The following CNIH3 variants were observed in gnomAD, a reference collection of about 807,000 sequenced individuals.
The protein encoded by CNIH3 is protein cornichon homolog 3.
A neutral mutation model predicts 24.1 loss-of-function variants in CNIH3; 14 were observed. The ratio of observed to expected loss-of-function variants is 0.58; its 90% CI spans 0.38 to 0.91. The LOEUF (loss-of-function observed/expected upper bound fraction) is 0.91, where lower values mean the gene tolerates loss of function less well. Among genes scored for constraint, CNIH3 ranks in the 40% least tolerant of loss-of-function variants. The pLI, the probability that CNIH3 is intolerant of heterozygous loss-of-function variation, is 0.00. For missense variants in CNIH3, 178 were observed against 196.8 expected, an observed-to-expected ratio of 0.90 and a Z score of 0.57; for synonymous variants, 68 against 73.8, an observed-to-expected ratio of 0.92 and a Z score of 0.40.
intron 1 of CNIH3, among the ~76,000 whole-genome samples, chr1:224,649,541 C>T (rs1468878890): frequency 6.6e-6 from 1 of 152,208 alleles, no homozygotes; most frequent in African/African-American, 2.4e-5. Flanking sequence ...GAGCCTGTTA[C>T]ACAATAGGTG....
At chr1:224,732,232 A>G (rs753463690) in intron 4 of CNIH3, among the ~76,000 whole-genome samples, 1 of 152,138 alleles carries the variant, frequency 6.6e-6, no homozygotes, top group African/African-American at 2.4e-5. Context: ...GGTGAACTGG[A>G]TAAGCCTTGG....
At chr1:224,511,523 T>C (rs979085027), upstream of CNIH3, among the ~76,000 whole-genome samples, 1 of 152,194 alleles carries the variant, frequency 6.6e-6, no homozygotes, top group African/African-American at 2.4e-5. Context: ...GGATACTTAT[T>C]TCCTTTCAGT....
chr1:224,593,812 G>T (rs556203724), intron 3 of CNIH3, among the ~76,000 whole-genome samples: 3 of 152,312 alleles, frequency 2.0e-5, no homozygotes, highest in Non-Finnish European at 2.9e-5. Flanking sequence ...ATAGACATTT[G>T]CTCCCCTCTG....
chr1:224,712,117 G>T (rs114565322), intron 3 of CNIH3, among the ~76,000 whole-genome samples: 3 of 152,136 alleles, frequency 2.0e-5, no homozygotes. Context: ...GATGATAAAG[G>T]CTTGTCTAAA....
chr1:224,474,245 T>C (rs1419194547), intron 1 of CNIH3, among the ~76,000 whole-genome samples: 1 of 151,826 alleles, frequency 6.6e-6, no homozygotes, highest in Non-Finnish European at 1.5e-5. Context: ...ATGCCTGTAG[T>C]CCCAGCTACT....
intron 1 of CNIH3, among the ~76,000 whole-genome samples, chr1:224,670,693 G>T (rs1162495030): frequency 6.6e-6 from 1 of 152,136 alleles, no homozygotes; most frequent in Non-Finnish European, 1.5e-5. Flanking sequence ...CAAGATGTGG[G>T]ATGCCATGAC....
chr1:224,689,667 A>C (rs1341889139), intron 3 of CNIH3, among the ~76,000 whole-genome samples: 2 of 152,154 alleles, frequency 1.3e-5, no homozygotes, highest in African/African-American at 2.4e-5. Flanking sequence ...CGAGCCTCCT[A>C]AACACCCTAG....
intron 3 of CNIH3, among the ~76,000 whole-genome samples, chr1:224,565,139 G>T (rs1327314682): frequency 6.6e-6 from 1 of 152,218 alleles, no homozygotes; most frequent in Non-Finnish European, 1.5e-5. Context: ...AATGCTTGAG[G>T]TCTCCTCTTA....
rs151067054 is a variant in CNIH3 at position 224,565,137 on chromosome 1, A to G, written n.451-1062A>G. Among the ~76,000 whole-genome samples, 355 of 152,344 alleles carry G rather than the reference A, an allele frequency of 2.3e-3. 2 individuals carry two copies. The highest frequency in any genetic ancestry group is 3.5e-3 in the Non-Finnish European group (237 of 68,020). ...CCCCAAATAGATTTTGCAATGCTTG[A>G]GGTCTCCTCTTAATATATAATGGAG... On this transcript the variant is annotated intron_variant and non_coding_transcript_variant, in intron 3 of 5. Transcript: ENST00000471578.
intron 1 of CNIH3, among the ~76,000 whole-genome samples, chr1:224,455,090 A>G (rs1163040925): frequency 6.6e-6 from 1 of 152,210 alleles, no homozygotes; most frequent in Non-Finnish European, 1.5e-5. Flanking sequence ...ACGTGCTCAG[A>G]ACACTACAGT....
chr1:224,493,598 A>G (rs1360546957), intron 1 of CNIH3, among the ~76,000 whole-genome samples: 4 of 152,228 alleles, frequency 2.6e-5, no homozygotes, highest in South Asian at 2.1e-4. Flanking sequence ...AGACGTCCCA[A>G]TGAGTTGCAA....
At chr1:224,446,308 TG>T (rs1675165551) in intron 1 of CNIH3, among the ~76,000 whole-genome samples, 1 of 151,988 alleles carries the variant, frequency 6.6e-6, no homozygotes, top group Non-Finnish European at 1.5e-5. Flanking sequence ...CAAAACAATT[TG>T]TCAAATTTTG....
intron 1 of CNIH3, chr1:224,435,279 G>A (rs1674600646): frequency 2.2e-6 from 2 of 927,760 alleles, no homozygotes; most frequent in Middle Eastern, 5.5e-4. Flanking sequence ...AACCAGGACC[G>A]AAATCGGGTT....
chr1:224,450,900 A>G (rs1305498676), intron 1 of CNIH3, among the ~76,000 whole-genome samples: 3 of 152,240 alleles, frequency 2.0e-5, no homozygotes, highest in African/African-American at 4.8e-5. Flanking sequence ...CAAGGCACAC[A>G]GTTAATATAA....
chr1:224,527,505 C>T (rs1678891179), intron 2 of CNIH3, among the ~76,000 whole-genome samples: 1 of 152,146 alleles, frequency 6.6e-6, no homozygotes, highest in Non-Finnish European at 1.5e-5. Flanking sequence ...CAGGGGCTGG[C>T]GTGTGCTCAT....
At chr1:224,515,979 T>G (rs1678363647) in intron 1 of CNIH3, 1 of 152,194 alleles carries the variant, frequency 6.6e-6, no homozygotes, top group South Asian at 2.1e-4. Flanking sequence ...TTTCTTCTTG[T>G]ACCCTCTGGA....
chr1:224,526,070 T>G (rs1338791844), intron 2 of CNIH3, among the ~76,000 whole-genome samples: 1 of 152,234 alleles, frequency 6.6e-6, no homozygotes. Context: ...GTGCTCTGGA[T>G]CAGAGACCAG....
intron 4 of CNIH3, among the ~76,000 whole-genome samples, chr1:224,568,056 A>G (rs149515595): frequency 4.6e-5 from 7 of 151,932 alleles, no homozygotes; most frequent in African/African-American, 1.7e-4. Context: ...CTTTGGGAGG[A>G]CAAGGCGGGC....
intron 3 of CNIH3, among the ~76,000 whole-genome samples, chr1:224,693,842 A>G (rs890914477): frequency 1.3e-5 from 2 of 152,218 alleles, no homozygotes; most frequent in Non-Finnish European, 2.9e-5. Context: ...TTTTTTGCAT[A>G]TCAAGATCAC....
Sources: allele counts gnomAD v4.1 joint callset (sites outside exome capture counted in the v4.1 genomes callset), GRCh38; gene constraint gnomAD v4.1.1; transcripts MANE v1.5; gene names NCBI Gene and HGNC (gene_info 2026-07-23, HGNC 2026-07-21).